The following CALCRL variants were observed in gnomAD, a reference collection of about 807,000 sequenced individuals.
CALCRL encodes the protein calcitonin receptor like receptor.
CALCRL carries 27 observed loss-of-function variants against 60.4 expected under a neutral mutation model. That is an observed-to-expected ratio of 0.45 (90% CI 0.33 to 0.62). CALCRL has a LOEUF of 0.62. Among genes scored for constraint, CALCRL ranks in the 20% least tolerant of loss-of-function variants. CALCRL has a pLI of 0.03. For missense variants in CALCRL, 424 were observed against 540.7 expected (o/e 0.78, Z 2.14); for synonymous variants, 190 against 182.6 (o/e 1.04, Z -0.33).
intron 5 of CALCRL, among the ~76,000 whole-genome samples, 184 bp from the exon 6 acceptor site, chr2:187,380,971 CAATTA>C (rs200246010): frequency 0.017 from 2,649 of 151,820 alleles, 42 homozygotes; most frequent in Non-Finnish European, 0.029. Context: ...AATAATTTCT[CAATTA>C]AATTCTAAAT....
rs751546798 is a variant in CALCRL at position 187,378,951 on chromosome 2, G to T, written c.489C>A (p.Phe163Leu). The T allele has an allele frequency of 3.1e-6, 5 of 1,596,500 alleles. No individual in the cohort carries two copies. Among genetic ancestry groups the T allele is most frequent in the Non-Finnish European group, 3.4e-6 (4 of 1,166,778 alleles). ...TTAAATTTACTTACTTGAAATAAAAGAATATGCCAAGCGAGATAAGCAGTG... is the reference window on the plus strand; with the variant it reads ...TTAAATTTACTTACTTGAAATAAAATAATATGCCAAGCGAGATAAGCAGTG... ...IASLLISLGI[F>L]FYFKSLSCQR... The change falls in exon 8 of 15, where the codon TTC becomes TTA. Residue 163 changes from phenylalanine (F) to leucine (L), a missense_variant. Phe to Leu is a conservative substitution (Grantham distance 22). Coordinates refer to ENST00000392370, the MANE Select transcript of CALCRL (RefSeq NM_005795.6).
At chr2:187,397,425 C>T (rs1455767034) in intron 1 of CALCRL, among the ~76,000 whole-genome samples, 1 of 151,370 alleles carries the variant, frequency 6.6e-6, no homozygotes, top group African/African-American at 2.4e-5. Context: ...TATATATAAC[C>T]CAAAGCTCTA....
In CALCRL at chr2:187,343,476, T is replaced by TAATAATACACATTTAAAAAAAATTA. The variant is rs1248680088; in HGVS notation, c.*2707_*2708insTAATTTTTTTTAAATGTGTATTATT. On this transcript the variant is annotated 3_prime_UTR_variant, in exon 15 of 15. Coordinates refer to ENST00000392370, the MANE Select transcript of CALCRL (RefSeq NM_005795.6). ...AAGTAAGTTCACATTTAAAAAAAAT[T>TAATAATACACATTTAAAAAAAATTA]ATAAGCAATAAATACAGCACTACAG... The TAATAATACACATTTAAAAAAAATTA allele has an allele frequency of 3.9e-5, 6 of 152,020 alleles. No homozygotes were observed. The East Asian group carries it at 1.2e-3, about 29-fold the overall frequency. The allele number at this position is 152,020 out of a possible 1,614,324, so 9.4% of individuals were successfully genotyped here.
At chr2:187,372,138 T>TA (rs1208169688) in intron 8 of CALCRL, among the ~76,000 whole-genome samples, 1 of 151,702 alleles carries the variant, frequency 6.6e-6, no homozygotes, top group Non-Finnish European at 1.5e-5. Context: ...AGACGTTCTT[T>TA]AAAAAAACAA....
chr2:187,417,940 G>C (rs1689688880), intron 1 of CALCRL, among the ~76,000 whole-genome samples: 1 of 152,098 alleles, frequency 6.6e-6, no homozygotes, highest in Admixed American at 6.5e-5. Flanking sequence ...CATTTACAAA[G>C]TGTCAAGTGT....
intron 1 of CALCRL, among the ~76,000 whole-genome samples, chr2:187,434,819 C>G (rs912881054): frequency 3.9e-5 from 6 of 152,096 alleles, no homozygotes; most frequent in African/African-American, 1.4e-4. Flanking sequence ...ATCTCAAGAA[C>G]ATAATGCTGA....
At chr2:187,433,408 T>A (rs918430023) in intron 1 of CALCRL, among the ~76,000 whole-genome samples, 1 of 152,074 alleles carries the variant, frequency 6.6e-6, no homozygotes, top group Admixed American at 6.6e-5. Flanking sequence ...ACATGTTGCA[T>A]ATATTAATAA....
intron 1 of CALCRL, among the ~76,000 whole-genome samples, chr2:187,418,774 C>G (rs1428134379): frequency 6.6e-6 from 1 of 150,994 alleles, no homozygotes; most frequent in Non-Finnish European, 1.5e-5. Flanking sequence ...TGTTCTTTAT[C>G]TTTATTCAGC....
intron 1 of CALCRL, among the ~76,000 whole-genome samples, chr2:187,437,324 C>G (rs1409197184): frequency 7.2e-6 from 1 of 138,322 alleles, no homozygotes; most frequent in Admixed American, 7.1e-5. Flanking sequence ...AGGCTGATCA[C>G]GAGATCAGGA....
chr2:187,398,395 T>C (rs959667077), intron 1 of CALCRL, among the ~76,000 whole-genome samples: 1 of 151,660 alleles, frequency 6.6e-6, no homozygotes, highest in African/African-American at 2.4e-5. Context: ...AGCAAAATTA[T>C]GATATTCTTG....
intron 1 of CALCRL, among the ~76,000 whole-genome samples, chr2:187,410,687 G>A (rs1001278310): frequency 1.3e-5 from 2 of 152,184 alleles, no homozygotes; most frequent in Non-Finnish European, 2.9e-5. Flanking sequence ...GTGGGTGGGT[G>A]TAACATCAGT....
intron 1 of CALCRL, chr2:187,415,653 G>T: frequency 1.6e-6 from 1 of 617,396 alleles, no homozygotes; most frequent in Non-Finnish European, 3.0e-6. Context: ...GCCCCCTCAA[G>T]GACATTCTGG....
chr2:187,440,002 A>T (rs1690818431), intron 1 of CALCRL, among the ~76,000 whole-genome samples: 1 of 152,092 alleles, frequency 6.6e-6, no homozygotes, highest in Non-Finnish European at 1.5e-5. Context: ...GAAAAAGACA[A>T]ATAATAAACT....
intron 1 of CALCRL, among the ~76,000 whole-genome samples, chr2:187,417,270 A>C (rs1446589794): frequency 6.6e-6 from 1 of 152,084 alleles, no homozygotes; most frequent in Non-Finnish European, 1.5e-5. Context: ...AAAAACAAAA[A>C]ACAAGCAAAC....
At chr2:187,428,130 C>A (rs1690232124) in intron 1 of CALCRL, among the ~76,000 whole-genome samples, 1 of 152,098 alleles carries the variant, frequency 6.6e-6, no homozygotes, top group Admixed American at 6.6e-5. Context: ...GGGATTCCAC[C>A]ATTTTACAGA....
intron 1 of CALCRL, among the ~76,000 whole-genome samples, chr2:187,430,110 G>T (rs1000672725): frequency 2.6e-5 from 4 of 152,152 alleles, no homozygotes; most frequent in Non-Finnish European, 5.9e-5. Context: ...CCATCTGTCA[G>T]ATATAAGTAG....
At position 187,344,801 on chromosome 2, in the gene CALCRL, G is replaced by A. The variant is rs2105674232; in HGVS notation, c.*1383C>T. 6.6e-6 allele frequency: 1 copy of A among 151,644 alleles called. No homozygotes were observed. Among genetic ancestry groups the A allele is most frequent in the African/African-American group, 2.4e-5 (1 of 41,468 alleles). The allele number at this position is 151,644 out of a possible 1,614,324, so 9.4% of individuals were successfully genotyped here. On this transcript the variant is annotated 3_prime_UTR_variant, in exon 15 of 15. Transcript: ENST00000392370. ...TTCCAAAGCTATATATCTTCACATA[G>A]TAAAAGTCAGTAAAGTAATATTTTA...
Position 187,423,539 on chromosome 2 carries a change from A to G in CALCRL, c.-293+24500T>C, listed in dbSNP as rs549544992. Among the ~76,000 whole-genome samples, 49 of 152,120 alleles carry G rather than the reference A, an allele frequency of 3.2e-4. No individual in the cohort carries two copies. The South Asian group carries it at 7.7e-3, about 24-fold the overall frequency. On this transcript the variant is annotated intron_variant, in intron 1 of 14. Transcript: ENST00000392370. ...GAATATTTTAATTATCTGGTTATAA[A>G]TTCTAAGGTTTCCCAAGATTTAGAA... is the stretch of plus-strand genomic sequence containing the variant.
At chr2:187,419,714 T>G (rs1689786599) in intron 1 of CALCRL, among the ~76,000 whole-genome samples, 1 of 152,210 alleles carries the variant, frequency 6.6e-6, no homozygotes, top group African/African-American at 2.4e-5. Flanking sequence ...ATATTTTAAT[T>G]TGCAGAAGAG....
Sources: allele counts gnomAD v4.1 joint callset (sites outside exome capture counted in the v4.1 genomes callset), GRCh38; gene constraint gnomAD v4.1.1; transcripts MANE v1.5; gene names NCBI Gene and HGNC (gene_info 2026-07-23, HGNC 2026-07-21).